Variants in WRN observed in about 807,000 individuals in gnomAD.
WRN encodes WRN RecQ like helicase.
Under a neutral mutation model 180.7 loss-of-function variants are expected in WRN, and 149 were observed. That is an observed-to-expected ratio of 0.82 (90% CI 0.72 to 0.94). The LOEUF is 0.94. WRN is among the 40% of genes least tolerant of loss of function. WRN has a pLI of 0.00. For synonymous variants in WRN, 548 were observed against 568.9 expected (o/e 0.96, Z 0.52); for missense variants, 1,661 against 1,700.1 (o/e 0.98, Z 0.40).
chr8:31,072,752 G>A (rs1003121148), intron 7 of WRN, among the ~76,000 whole-genome samples: 3 of 152,240 alleles, frequency 2.0e-5, no homozygotes, highest in African/African-American at 7.2e-5. Flanking sequence ...ACACTTATAT[G>A]TTGGGTGCTT....
chr8:31,140,738 A>G (rs1295068057), intron 24 of WRN, among the ~76,000 whole-genome samples: 1 of 152,068 alleles, frequency 6.6e-6, no homozygotes, highest in Non-Finnish European at 1.5e-5. Context: ...GTTGGTTCGC[A>G]TTGCGTTTTT....
chr8:31,077,533 C>T (rs764075651), intron 8 of WRN, among the ~76,000 whole-genome samples: 6 of 152,194 alleles, frequency 3.9e-5, no homozygotes, highest in Non-Finnish European at 7.3e-5. Flanking sequence ...TTAGCCACCG[C>T]GCCCAGCCTG....
intron 31 of WRN, among the ~76,000 whole-genome samples, chr8:31,151,684 C>A (rs1016428232): frequency 2.0e-5 from 3 of 152,092 alleles, no homozygotes; most frequent in Non-Finnish European, 2.9e-5. Flanking sequence ...CCTAACTCCC[C>A]TTCAGAAGAG....
chr8:31,127,000 A>G (rs573624400), intron 23 of WRN, among the ~76,000 whole-genome samples: 2 of 152,318 alleles, frequency 1.3e-5, no homozygotes, highest in Admixed American at 6.5e-5. Flanking sequence ...CAATTTCTTG[A>G]TAATCTCAAG....
chr8:31,147,245 G>A, intron 29 of WRN, 117 bp downstream of exon 29: 1 of 1,465,830 alleles, frequency 6.8e-7, no homozygotes, highest in Non-Finnish European at 9.5e-7. Context: ...AAGAGTCTGA[G>A]TTTATATTTC....
intron 12 of WRN, among the ~76,000 whole-genome samples, chr8:31,088,649 G>T (rs1563343526): frequency 1.3e-5 from 2 of 151,754 alleles, no homozygotes; most frequent in Non-Finnish European, 2.9e-5. Context: ...TAAAACATCA[G>T]TTTTTTTTAA....
At chr8:31,146,732 C>T in intron 28 of WRN, among the ~76,000 whole-genome samples, 1 of 152,144 alleles carries the variant, frequency 6.6e-6, no homozygotes, top group East Asian at 1.9e-4. Context: ...GTTAACGTGT[C>T]ATCTTCAGTA....
At chr8:31,139,999 C>CTTTTTTT (rs1563375284) in intron 24 of WRN, among the ~76,000 whole-genome samples, 28 of 74,750 alleles carry the variant, frequency 3.7e-4, no homozygotes, top group African/African-American at 1.4e-3. Context: ...TTGTATACTT[C>CTTTTTTT]TTTGTTTTTT....
chr8:31,059,005 TTTTC>T, intron 2 of WRN, 144 bp from the exon 3 acceptor site: 1 of 704,840 alleles, frequency 1.4e-6, no homozygotes. Context: ...CTTTGTTAAG[TTTTC>T]TTTATGACTT....
chr8:31,173,312 A>T lies in WRN; in HGVS notation c.*210A>T. On this transcript the variant is annotated 3_prime_UTR_variant, in exon 35 of 35. Transcript: ENST00000298139. Reference sequence around the variant, plus strand: ...GGGAGCCTACGTGAGTACATCACCTAACAGAATATTAAATTAGACTTCCTG... The same window carrying T: ...GGGAGCCTACGTGAGTACATCACCTTACAGAATATTAAATTAGACTTCCTG... The T allele has an allele frequency of 1.8e-6, 1 of 552,694 alleles. No homozygotes were observed. Among genetic ancestry groups the T allele is most frequent in the Non-Finnish European group, 3.2e-6 (1 of 310,570 alleles). 34.2% of individuals were successfully genotyped at this position (552,694 alleles called of 1,614,324 possible). A position where few individuals can be genotyped will look rare whatever the true frequency, so the allele number is the denominator to read the frequency against.
At chr8:31,052,763 A>T (rs1437602516) in intron 1 of WRN, among the ~76,000 whole-genome samples, 2 of 152,110 alleles carry the variant, frequency 1.3e-5, no homozygotes. Flanking sequence ...TGTTTTATGG[A>T]TGTACCATAC....
At chr8:31,138,048 G>A (rs1004579862) in intron 24 of WRN, among the ~76,000 whole-genome samples, 1 of 151,934 alleles carries the variant, frequency 6.6e-6, no homozygotes, top group Non-Finnish European at 1.5e-5. Flanking sequence ...GCTACAGTGA[G>A]CTATGATGAC....
intron 26 of WRN, 93 bp from the exon 27 acceptor site, chr8:31,142,533 C>A: frequency 1.0e-6 from 1 of 994,258 alleles, no homozygotes; most frequent in East Asian, 2.7e-5. Flanking sequence ...AGGGTAATAT[C>A]TTATTCATCT....
At chr8:31,120,989 G>A (rs897967263) in intron 21 of WRN, among the ~76,000 whole-genome samples, 8 of 151,942 alleles carry the variant, frequency 5.3e-5, no homozygotes, top group Admixed American at 1.3e-4. Context: ...ACAGACTGCC[G>A]TAAGTCAATA....
intron 1 of WRN, among the ~76,000 whole-genome samples, chr8:31,036,090 C>T (rs776621356): frequency 6.6e-6 from 1 of 152,174 alleles, no homozygotes; most frequent in African/African-American, 2.4e-5. Context: ...TTTTTAGCTC[C>T]CACATATAAG....
In WRN at chr8:31,081,135, A is replaced by G; in HGVS notation, c.1108A>G (p.Lys370Glu). ...EDVLGNKVER[K>E]EDGFEDGVED... ...TGTACTTGGAAATAAAGTGGAACGA[A>G]AAGAAGATGGATTTGAAGATGGAGT... Residue 370 changes from lysine (K) to glutamate (E), a missense_variant, in exon 9 of 35, where the codon AAA becomes GAA. This residue lies in a region of WRN where 500 missense variants were observed against 504.1 expected (regional missense o/e 0.99). Transcript: ENST00000298139. 6.2e-7 allele frequency: 1 copy of G among 1,614,070 alleles called. No homozygotes were observed. Among genetic ancestry groups the G allele is most frequent in the Non-Finnish European group, 8.5e-7 (1 of 1,179,982 alleles).
intron 23 of WRN, among the ~76,000 whole-genome samples, chr8:31,127,942 T>A (rs550070973): frequency 1.3e-5 from 2 of 151,130 alleles, no homozygotes; most frequent in African/African-American, 2.4e-5. Context: ...ATAAAAAAAA[T>A]AATAATAATG....
intron 27 of WRN, among the ~76,000 whole-genome samples, chr8:31,143,240 T>G (rs1202064054): frequency 6.6e-6 from 1 of 152,204 alleles, no homozygotes; most frequent in Non-Finnish European, 1.5e-5. Context: ...GTGAACTTTT[T>G]CTGCTTTATT....
chr8:31,159,944 CA>C (rs35353095), intron 33 of WRN, among the ~76,000 whole-genome samples: 36,744 of 101,574 alleles, frequency 0.36, 3,976 homozygotes, highest in South Asian at 0.42. Flanking sequence ...GACTCTGTCT[CA>C]AAAAAAAAAA....
Sources: allele counts gnomAD v4.1 joint callset (sites outside exome capture counted in the v4.1 genomes callset), GRCh38; gene constraint gnomAD v4.1.1; regional missense constraint gnomAD v4.1.1; transcripts MANE v1.5; gene names NCBI Gene and HGNC (gene_info 2026-07-23, HGNC 2026-07-21).